ZDHHC3: variants seen among roughly 807,000 people sequenced by gnomAD.
ZDHHC3 encodes palmitoyltransferase ZDHHC3.
A neutral mutation model predicts 30.6 loss-of-function variants in ZDHHC3; 9 were observed. That is an observed-to-expected ratio of 0.29 (90% CI 0.18 to 0.51). The LOEUF is 0.51. ZDHHC3 is among the 20% of genes least tolerant of loss of function. ZDHHC3 has a pLI of 0.97. For synonymous variants in ZDHHC3, 136 were observed against 140.2 expected, an observed-to-expected ratio of 0.97 and a Z score of 0.21; for missense variants, 246 against 384.2, an observed-to-expected ratio of 0.64 and a Z score of 3.01.
intron 3 of ZDHHC3, among the ~76,000 whole-genome samples, chr3:44,939,583 A>C (rs189480420): frequency 6.6e-6 from 1 of 152,294 alleles, no homozygotes; most frequent in Non-Finnish European, 1.5e-5. Flanking sequence ...ATCTGCACTT[A>C]TTTTTAAAAG....
chr3:44,944,385 A>G (rs1441880414), intron 3 of ZDHHC3, among the ~76,000 whole-genome samples: 17 of 152,056 alleles, frequency 1.1e-4, no homozygotes. Context: ...ACCTCAGGTG[A>G]TCCGCCCGCC....
chr3:44,935,363 G>A (rs892648642), intron 3 of ZDHHC3, among the ~76,000 whole-genome samples: 2 of 152,130 alleles, frequency 1.3e-5, no homozygotes, highest in Non-Finnish European at 2.9e-5. Flanking sequence ...GCAACTTCCC[G>A]GGTTCCAGCA....
chr3:44,972,661 C>A (rs879569635), intron 1 of ZDHHC3, among the ~76,000 whole-genome samples: 1 of 152,200 alleles, frequency 6.6e-6, no homozygotes, highest in African/African-American at 2.4e-5. Context: ...ACAATTAGCA[C>A]CTTATTATAG....
intron 5 of ZDHHC3, 173 bp downstream of exon 5, chr3:44,932,945 A>C: frequency 6.2e-7 from 1 of 1,614,110 alleles, no homozygotes. Context: ...TTTTTCATGA[A>C]GAGAGATTCC....
At chr3:44,931,580 C>T (rs1701492592) in intron 5 of ZDHHC3, among the ~76,000 whole-genome samples, 2 of 152,216 alleles carry the variant, frequency 1.3e-5, no homozygotes, top group Non-Finnish European at 1.5e-5. Context: ...CAGTAATGGT[C>T]ATATACAGTC....
Position 44,920,078 on chromosome 3 carries a change from C to A in ZDHHC3, c.*6611G>T. 1 of 1,191,546 alleles carries A rather than the reference C, an allele frequency of 8.4e-7. No homozygotes were observed. The highest frequency in any genetic ancestry group is 3.4e-5 in the Admixed American group (1 of 29,538). 73.8% of individuals were successfully genotyped at this position (1,191,546 alleles called of 1,614,324 possible). ...AATTCTAGAGGATTTGTATTTATTT[C>A]TGTAGACTTCTCACACAATCCAAGT... On this transcript the variant is annotated 3_prime_UTR_variant, in exon 7 of 7. Transcript: ENST00000424952.
rs1700481246 is a variant in ZDHHC3, at chr3:44,920,029, C to T, written c.*6660G>A. 2.6e-6 allele frequency: 3 copies of T among 1,175,280 alleles called. No homozygotes were observed. The highest frequency in any genetic ancestry group is 1.6e-5 in the African/African-American group (1 of 62,524). The allele number at this position is 1,175,280 out of a possible 1,614,324, so 72.8% of individuals were successfully genotyped here. A position where few individuals can be genotyped will look rare whatever the true frequency, so the allele number is the denominator to read the frequency against. ...TTTTACATGACATTAGAACATTTGTCTGAGTGGTTACTTTTGGGGATGGAA... is the reference window on the plus strand; with the variant it reads ...TTTTACATGACATTAGAACATTTGTTTGAGTGGTTACTTTTGGGGATGGAA... On this transcript the variant is annotated 3_prime_UTR_variant, in exon 7 of 7. Coordinates refer to ENST00000424952, the MANE Select transcript of ZDHHC3 (RefSeq NM_001135179.2).
chr3:44,929,571 C>A, intron 5 of ZDHHC3, 135 bp from the exon 6 acceptor site: 3 of 1,193,572 alleles, frequency 2.5e-6, no homozygotes, highest in Non-Finnish European at 2.3e-6. Context: ...GGTCTCTGGC[C>A]TCCAGGCTAC....
chr3:44,969,239 T>A (rs1029332816), intron 1 of ZDHHC3, among the ~76,000 whole-genome samples: 2 of 152,198 alleles, frequency 1.3e-5, no homozygotes, highest in Non-Finnish European at 2.9e-5. Context: ...GTTGCCAAAG[T>A]GTGGGATATG....
At chr3:44,966,605 G>C (rs1442260701) in intron 1 of ZDHHC3, among the ~76,000 whole-genome samples, 1 of 152,178 alleles carries the variant, frequency 6.6e-6, no homozygotes, top group African/African-American at 2.4e-5. Flanking sequence ...TAGAGTGATA[G>C]TCTTAAAGTA....
Position 44,933,120 on chromosome 3 carries a change from G to C in ZDHHC3, c.608C>G (p.Thr203Arg). The C allele has an allele frequency of 1.9e-6, 3 of 1,614,154 alleles. No individual in the cohort carries two copies. The highest frequency in any genetic ancestry group is 2.5e-6 in the Non-Finnish European group (3 of 1,180,004). ...GGAAAGCCTCAGCACATACTCACTT[G>C]TCCAATCTTCTTCAAAGCAATGCAG... ...HFLHCFEEDWTKCSSFSPPTT... is the reference protein window; with the variant it reads ...HFLHCFEEDWRKCSSFSPPTT... The change falls in exon 5 of 7, where the codon ACA becomes AGA. Residue 203 changes from threonine (T) to arginine (R), a missense_variant and splice_region_variant. Physicochemically the swap from Thr to Arg is moderately conservative, Grantham distance 71. Transcript: ENST00000424952.
chr3:44,964,222 C>A (rs1704730742), intron 1 of ZDHHC3, among the ~76,000 whole-genome samples: 1 of 152,166 alleles, frequency 6.6e-6, no homozygotes, highest in Admixed American at 6.5e-5. Context: ...ACCAGAAAAA[C>A]CCGAACACCA....
intron 1 of ZDHHC3, among the ~76,000 whole-genome samples, chr3:44,965,610 G>A (rs1704877749): frequency 6.6e-6 from 1 of 152,152 alleles, no homozygotes; most frequent in Admixed American, 6.5e-5. Context: ...TCTTTATCAT[G>A]TGGCAAAAAA....
Position 44,926,178 on chromosome 3 carries a change from T to C in ZDHHC3, c.*511A>G. 1 of 985,870 alleles carries C rather than the reference T, an allele frequency of 1.0e-6. No individual in the cohort carries two copies. The highest frequency in any genetic ancestry group is 1.2e-6 in the Non-Finnish European group (1 of 830,136). The allele number at this position is 985,870 out of a possible 1,614,324, so 61.1% of individuals were successfully genotyped here. On this transcript the variant is annotated 3_prime_UTR_variant, in exon 7 of 7. Coordinates refer to ENST00000424952, the MANE Select transcript of ZDHHC3 (RefSeq NM_001135179.2). Reference sequence around the variant, plus strand: ...GAGGTCGCTGTGCCAAGGTCCCTTCTGATCCTGCCCTTCTCAGGCCTCAAG... The same window carrying C: ...GAGGTCGCTGTGCCAAGGTCCCTTCCGATCCTGCCCTTCTCAGGCCTCAAG...
chr3:44,918,968 G>T lies in ZDHHC3; in HGVS notation c.*7721C>A, dbSNP rs958020960. ...ACTGCTTTCTCCATCTCTTCTGGAA[G>T]CCAAGGGAATTTGCTGTGGGTTTGC... On this transcript the variant is annotated 3_prime_UTR_variant, in exon 7 of 7. Transcript: ENST00000424952. 3.0e-6 allele frequency: 3 copies of T among 985,592 alleles called. No homozygotes were observed. Among genetic ancestry groups the T allele is most frequent in the Non-Finnish European group, 2.4e-6 (2 of 830,058 alleles). The allele number at this position is 985,592 out of a possible 1,614,324, so 61.1% of individuals were successfully genotyped here.
Position 44,921,797 on chromosome 3 carries a change from C to T in ZDHHC3, c.*4892G>A. The T allele has an allele frequency of 2.0e-6, 2 of 984,876 alleles. No individual in the cohort carries two copies. The highest frequency in any genetic ancestry group is 2.4e-6 in the Non-Finnish European group (2 of 829,410). The allele number at this position is 984,876 out of a possible 1,614,324, so 61.0% of individuals were successfully genotyped here. A position where few individuals can be genotyped will look rare whatever the true frequency, so the allele number is the denominator to read the frequency against. ...GTAATAAGTAGCCAAGCAGACATTT[C>T]AACCAAAGACTGAAGCCAGGACCCA... On this transcript the variant is annotated 3_prime_UTR_variant, in exon 7 of 7. Transcript: ENST00000424952.
intron 1 of ZDHHC3, among the ~76,000 whole-genome samples, chr3:44,970,238 C>T (rs1236309934): frequency 6.6e-6 from 1 of 152,166 alleles, no homozygotes; most frequent in East Asian, 1.9e-4. Context: ...CTGGGAGGAA[C>T]CTGGGACCAC....
chr3:44,960,905 A>T (rs947419752), intron 1 of ZDHHC3, among the ~76,000 whole-genome samples: 2 of 152,262 alleles, frequency 1.3e-5, no homozygotes, highest in Non-Finnish European at 2.9e-5. Context: ...AATGACAGAC[A>T]TTCTAGAGTC....
chr3:44,942,834 A>G (rs1290721766), intron 3 of ZDHHC3, among the ~76,000 whole-genome samples: 1 of 152,226 alleles, frequency 6.6e-6, no homozygotes, highest in Non-Finnish European at 1.5e-5. Context: ...ACACAGCTGA[A>G]CTTCCAACAC....
Sources: allele counts gnomAD v4.1 joint callset (sites outside exome capture counted in the v4.1 genomes callset), GRCh38; gene constraint gnomAD v4.1.1; transcripts MANE v1.5; gene names NCBI Gene and HGNC (gene_info 2026-07-23, HGNC 2026-07-21).